The following SLAIN1 variants were observed in gnomAD, a reference collection of about 807,000 sequenced individuals.
SLAIN1 encodes SLAIN family member 1.
A neutral mutation model predicts 55.4 loss-of-function variants in SLAIN1; 17 were observed. The observed-to-expected ratio is 0.31, with a 90% CI of 0.21 to 0.46. The LOEUF (loss-of-function observed/expected upper bound fraction) is 0.46, where lower values mean the gene tolerates loss of function less well. SLAIN1 is among the 20% of genes least tolerant of loss of function. The pLI is 1.00. For missense variants in SLAIN1, 682 were observed against 785.1 expected, an observed-to-expected ratio of 0.87 and a Z score of 1.57; for synonymous variants, 348 against 337.4, an observed-to-expected ratio of 1.03 and a Z score of -0.35.
chr13:77,713,842 TA>T (rs1328976513), intron 1 of SLAIN1, among the ~76,000 whole-genome samples: 10 of 151,850 alleles, frequency 6.6e-5, no homozygotes, highest in South Asian at 2.1e-4. Flanking sequence ...TGTTCAGCCA[TA>T]AAAAAAGGAT....
At chr13:77,736,748 A>T (rs1873139396) in intron 2 of SLAIN1, among the ~76,000 whole-genome samples, 1 of 149,612 alleles carries the variant, frequency 6.7e-6, no homozygotes, top group African/African-American at 2.4e-5. Context: ...AGTAGTTGCC[A>T]CTATTAACTA....
At chr13:77,752,662 T>C (rs1874314752) in intron 4 of SLAIN1, among the ~76,000 whole-genome samples, 1 of 152,146 alleles carries the variant, frequency 6.6e-6, no homozygotes, top group Non-Finnish European at 1.5e-5. Context: ...AAGCCGCCAG[T>C]GCAGCCTTCA....
intron 2 of SLAIN1, among the ~76,000 whole-genome samples, chr13:77,723,738 T>C (rs2091283172): frequency 6.6e-6 from 1 of 152,196 alleles, no homozygotes; most frequent in Non-Finnish European, 1.5e-5. Flanking sequence ...TTATTTTGTG[T>C]GTGCTATAAA....
rs1875276382 is a variant in SLAIN1, at chr13:77,764,120, C to CA, written c.*904dup. Reference sequence around the variant, plus strand: ...ATAAATCTTTTTGATAGACCTTTTACAAAATCCATTTGCACTAATGAATGC... The same window carrying CA: ...ATAAATCTTTTTGATAGACCTTTTACAAAAATCCATTTGCACTAATGAATGC... On this transcript the variant is annotated 3_prime_UTR_variant, in exon 7 of 7. Coordinates refer to ENST00000418532, the MANE Select transcript of SLAIN1 (RefSeq NM_001242868.2). 6.6e-6 allele frequency: 1 copy of CA among 152,588 alleles called. No homozygotes were observed. The highest frequency in any genetic ancestry group is 6.5e-5 in the Admixed American group (1 of 15,284). 9.5% of individuals were successfully genotyped at this position (152,588 alleles called of 1,614,324 possible).
chr13:77,714,721 A>G, intron 1 of SLAIN1, among the ~76,000 whole-genome samples: 1 of 152,210 alleles, frequency 6.6e-6, no homozygotes, highest in East Asian at 1.9e-4. Context: ...CTTGTAATGT[A>G]CAATTTGATA....
intron 5 of SLAIN1, among the ~76,000 whole-genome samples, chr13:77,754,592 G>A (rs186140000): frequency 1.4e-4 from 21 of 152,066 alleles, no homozygotes; most frequent in African/African-American, 4.1e-4. Flanking sequence ...TTCCTTCTTC[G>A]TTCAGTTTAC....
Position 77,753,277 on chromosome 13 carries a change from C to T in SLAIN1, c.1333C>T (p.Pro445Ser). 1 of 1,613,174 alleles carries T rather than the reference C, an allele frequency of 6.2e-7. No individual in the cohort carries two copies. The highest frequency in any genetic ancestry group is 8.5e-7 in the Non-Finnish European group (1 of 1,179,576). Residue 445 changes from proline (P) to serine (S), a missense_variant, in exon 5 of 7, where the codon CCG (proline) becomes TCG (serine). This residue lies in a region of SLAIN1 where 244 missense variants were observed against 295.2 expected (regional missense o/e 0.83). Transcript: ENST00000418532. ...TGCCATTAGTAGCAACATTAGTTCT[C>T]CGGTCACCGTGCGAAATAGTCAGAG... ...TTAISSNISS[P>S]VTVRNSQSFD... is the part of the protein sequence containing the mutation.
intron 3 of SLAIN1, among the ~76,000 whole-genome samples, chr13:77,745,587 T>C (rs1455563053): frequency 2.0e-5 from 3 of 151,878 alleles, no homozygotes; most frequent in African/African-American, 7.3e-5. Flanking sequence ...AGAACTGGAG[T>C]GTTTGTTTTG....
intron 1 of SLAIN1, among the ~76,000 whole-genome samples, chr13:77,710,943 C>T (rs780017268): frequency 6.6e-6 from 1 of 152,106 alleles, no homozygotes; most frequent in African/African-American, 2.4e-5. Context: ...CTGAAAACCG[C>T]ACAATTACAT....
intron 1 of SLAIN1, among the ~76,000 whole-genome samples, chr13:77,705,904 A>G (rs1351477441): frequency 6.6e-6 from 1 of 152,112 alleles, no homozygotes; most frequent in African/African-American, 2.4e-5. Flanking sequence ...CACTAGGCTC[A>G]AAGCTATCCT....
chr13:77,707,966 T>C (rs545107367), intron 1 of SLAIN1, among the ~76,000 whole-genome samples: 2 of 152,280 alleles, frequency 1.3e-5, no homozygotes, highest in South Asian at 2.1e-4. Context: ...AGTTGTCCCT[T>C]AGGTAGACTT....
chr13:77,704,978 T>C (rs923753391), intron 1 of SLAIN1, among the ~76,000 whole-genome samples: 1 of 107,504 alleles, frequency 9.3e-6, no homozygotes, highest in African/African-American at 3.6e-5. Context: ...AGGTTTTATA[T>C]GTATATATAC....
intron 4 of SLAIN1, 57 bp downstream of exon 4, chr13:77,746,912 A>G (rs1324854912): frequency 2.8e-6 from 4 of 1,443,296 alleles, no homozygotes; most frequent in African/African-American, 1.4e-5. Context: ...TATGTGGTCA[A>G]GAAATGGTTT....
At chr13:77,752,249 A>G (rs1004144205) in intron 4 of SLAIN1, among the ~76,000 whole-genome samples, 4 of 151,194 alleles carry the variant, frequency 2.6e-5, no homozygotes, top group African/African-American at 9.7e-5. Context: ...TATGGTAGCA[A>G]AAGATTCAGT....
At chr13:77,748,814 G>A (rs1387614868) in intron 4 of SLAIN1, among the ~76,000 whole-genome samples, 1 of 152,098 alleles carries the variant, frequency 6.6e-6, no homozygotes, top group African/African-American at 2.4e-5. Flanking sequence ...ACTGTCTAAG[G>A]TTCGGTTTCC....
chr13:77,709,961 G>A (rs576736058), intron 1 of SLAIN1, among the ~76,000 whole-genome samples: 12 of 152,092 alleles, frequency 7.9e-5, no homozygotes, highest in East Asian at 5.8e-4. Flanking sequence ...TAGTAGAGGC[G>A]GGGTTTTGCC....
At chr13:77,740,537 C>A (rs990307385) in intron 2 of SLAIN1, among the ~76,000 whole-genome samples, 3 of 149,946 alleles carry the variant, frequency 2.0e-5, no homozygotes, top group Admixed American at 1.3e-4. Flanking sequence ...CGCCCCCCCC[C>A]CCTTTTTTTA....
intron 5 of SLAIN1, 80 bp from the exon 6 acceptor site, chr13:77,760,748 A>G (rs1874948627): frequency 6.8e-7 from 1 of 1,460,366 alleles, no homozygotes; most frequent in East Asian, 2.3e-5. Flanking sequence ...GGCATAATGG[A>G]CTCTTCTGAA....
chr13:77,729,348 A>G (rs1346593868), intron 2 of SLAIN1, among the ~76,000 whole-genome samples: 4 of 152,066 alleles, frequency 2.6e-5, no homozygotes, highest in Admixed American at 6.6e-5. Flanking sequence ...ATAAACAATA[A>G]TGGTTGTTCT....
Sources: allele counts gnomAD v4.1 joint callset (sites outside exome capture counted in the v4.1 genomes callset), GRCh38; gene constraint gnomAD v4.1.1; regional missense constraint gnomAD v4.1.1; transcripts MANE v1.5; gene names NCBI Gene and HGNC (gene_info 2026-07-23, HGNC 2026-07-21).